UNC5D: variants seen among roughly 807,000 people sequenced by gnomAD.
UNC5D encodes unc-5 netrin receptor D.
A neutral mutation model predicts 105.4 loss-of-function variants in UNC5D; 39 were observed. The ratio of observed to expected loss-of-function variants is 0.37; its 90% confidence interval spans 0.29 to 0.48. UNC5D has a LOEUF of 0.48. UNC5D is among the 20% of genes least tolerant of loss of function. The probability of loss-of-function intolerance (pLI) is 0.98; values close to 1 mark genes in which losing one functional copy is unlikely to be tolerated. For missense variants in UNC5D, 991 were observed against 1,202.4 expected, an observed-to-expected ratio of 0.82 and a Z score of 2.60; for synonymous variants, 452 against 450.4, an observed-to-expected ratio of 1.00 and a Z score of -0.04.
intron 4 of UNC5D, among the ~76,000 whole-genome samples, chr8:35,648,430 G>A (rs1231962347): frequency 6.6e-6 from 1 of 152,038 alleles, no homozygotes; most frequent in East Asian, 1.9e-4. Context: ...TGTAATCCCA[G>A]CACTTTGGGA....
intron 4 of UNC5D, among the ~76,000 whole-genome samples, chr8:35,632,820 G>A (rs572518959): frequency 3.9e-4 from 59 of 152,216 alleles, no homozygotes; most frequent in Middle Eastern, 3.4e-3. Flanking sequence ...GAGGGTGTGT[G>A]GTCTAACCTG....
chr8:35,479,170 C>A (rs1810313421), intron 1 of UNC5D, among the ~76,000 whole-genome samples: 1 of 152,106 alleles, frequency 6.6e-6, no homozygotes, highest in South Asian at 2.1e-4. Flanking sequence ...AACAAGTGAG[C>A]CTACTATGTC....
chr8:35,395,376 C>T (rs933322693), intron 1 of UNC5D, among the ~76,000 whole-genome samples: 1 of 152,150 alleles, frequency 6.6e-6, no homozygotes, highest in African/African-American at 2.4e-5. Flanking sequence ...AAAAAGCTAC[C>T]TGCAAATCTG....
intron 8 of UNC5D, among the ~76,000 whole-genome samples, chr8:35,707,974 G>T (rs1223179041): frequency 6.6e-6 from 1 of 152,190 alleles, no homozygotes; most frequent in African/African-American, 2.4e-5. Flanking sequence ...TCCAATCGGG[G>T]TTCTGTAAGC....
At chr8:35,781,553 G>A (rs144769985) in intron 16 of UNC5D, among the ~76,000 whole-genome samples, 1 of 152,204 alleles carries the variant, frequency 6.6e-6, no homozygotes, top group Non-Finnish European at 1.5e-5. Flanking sequence ...CACAAGTGCT[G>A]TTTCAAATAG....
chr8:35,519,696 A>C (rs1421455529), intron 1 of UNC5D, among the ~76,000 whole-genome samples: 1 of 152,154 alleles, frequency 6.6e-6, no homozygotes, highest in Non-Finnish European at 1.5e-5. Context: ...ATAATAGTAG[A>C]ATACTATAAT....
chr8:35,274,606 G>A (rs551275084), intron 1 of UNC5D, among the ~76,000 whole-genome samples: 27 of 152,222 alleles, frequency 1.8e-4, no homozygotes, highest in Admixed American at 1.3e-3. Context: ...GATATGCCAC[G>A]TTTTGTCCTT....
intron 4 of UNC5D, among the ~76,000 whole-genome samples, chr8:35,656,018 C>T (rs1401693368): frequency 6.6e-6 from 1 of 152,288 alleles, no homozygotes; most frequent in Non-Finnish European, 1.5e-5. Flanking sequence ...GAAGGAACAT[C>T]GTAGTTTTTA....
intron 1 of UNC5D, among the ~76,000 whole-genome samples, chr8:35,457,626 T>C (rs1808582813): frequency 6.6e-6 from 1 of 152,120 alleles, no homozygotes; most frequent in African/African-American, 2.4e-5. Context: ...GGAGAATGGT[T>C]CTAATTGGGT....
intron 1 of UNC5D, among the ~76,000 whole-genome samples, chr8:35,498,696 T>C (rs1010484930): frequency 4.6e-5 from 7 of 152,106 alleles, no homozygotes; most frequent in Non-Finnish European, 1.0e-4. Context: ...GTTGGCTGAA[T>C]TTCGTCATCA....
chr8:35,564,279 C>T (rs1440086217), intron 2 of UNC5D, among the ~76,000 whole-genome samples: 1 of 152,094 alleles, frequency 6.6e-6, no homozygotes, highest in African/African-American at 2.4e-5. Flanking sequence ...AAACACATTT[C>T]TTACCTTAAA....
chr8:35,676,820 A>T (rs999961969), intron 4 of UNC5D, among the ~76,000 whole-genome samples: 3 of 152,218 alleles, frequency 2.0e-5, no homozygotes, highest in African/African-American at 4.8e-5. Context: ...CCTCTTTGTG[A>T]TAACATTCAC....
intron 1 of UNC5D, among the ~76,000 whole-genome samples, chr8:35,245,068 G>A (rs765772190): frequency 3.9e-5 from 6 of 152,050 alleles, no homozygotes; most frequent in Non-Finnish European, 8.8e-5. Flanking sequence ...TTTTTTAGAA[G>A]TATACTAGCT....
At chr8:35,412,716 T>C (rs113582819) in intron 1 of UNC5D, among the ~76,000 whole-genome samples, 16 of 152,120 alleles carry the variant, frequency 1.1e-4, no homozygotes, top group Admixed American at 2.0e-4. Context: ...CACCAGTAGG[T>C]TGGCCATTCT....
intron 1 of UNC5D, among the ~76,000 whole-genome samples, chr8:35,326,494 C>A (rs1473755149): frequency 6.6e-6 from 1 of 152,170 alleles, no homozygotes; most frequent in Non-Finnish European, 1.5e-5. Flanking sequence ...GTGGCTCATG[C>A]CTGTCATCGC....
At chr8:35,591,842 C>T (rs991166493) in intron 3 of UNC5D, among the ~76,000 whole-genome samples, 1 of 152,140 alleles carries the variant, frequency 6.6e-6, no homozygotes, top group South Asian at 2.1e-4. Flanking sequence ...ACCATAAGCA[C>T]ACTAGTAGAG....
intron 1 of UNC5D, among the ~76,000 whole-genome samples, chr8:35,323,088 C>A (rs1318488644): frequency 1.3e-5 from 2 of 151,666 alleles, no homozygotes; most frequent in African/African-American, 4.8e-5. Flanking sequence ...AAAAGGTAAA[C>A]TAGTACACCT....
At chr8:35,604,411 C>G (rs1274187434) in intron 4 of UNC5D, among the ~76,000 whole-genome samples, 1 of 152,198 alleles carries the variant, frequency 6.6e-6, no homozygotes, top group Non-Finnish European at 1.5e-5. Flanking sequence ...GCGGAGAGAT[C>G]AGCTGTTAGT....
At chr8:35,380,591 C>A (rs1411872328) in intron 1 of UNC5D, among the ~76,000 whole-genome samples, 1 of 151,872 alleles carries the variant, frequency 6.6e-6, no homozygotes, top group East Asian at 1.9e-4. Context: ...ATTGATTATT[C>A]TTTTTATTAT....
Sources: allele counts gnomAD v4.1 joint callset (sites outside exome capture counted in the v4.1 genomes callset), GRCh38; gene constraint gnomAD v4.1.1; transcripts MANE v1.5; gene names NCBI Gene and HGNC (gene_info 2026-07-23, HGNC 2026-07-21).